Variants in GRIK3 observed in about 807,000 individuals in gnomAD.
GRIK3 encodes the protein glutamate receptor ionotropic, kainate 3.
In GRIK3, 29 loss-of-function variants were observed where a neutral mutation model predicts 102.5. That is an observed-to-expected ratio of 0.28 (90% CI 0.21 to 0.39). The LOEUF (loss-of-function observed/expected upper bound fraction) is 0.39. Ranked by LOEUF, GRIK3 falls within the 10% of genes least tolerant of loss-of-function variation. The probability of loss-of-function intolerance (pLI) is 1.00; values close to 1 mark genes in which losing one functional copy is unlikely to be tolerated. For synonymous variants in GRIK3, 511 were observed against 504.9 expected (o/e 1.01, Z -0.16); for missense variants, 908 against 1,252.4 (o/e 0.73, Z 4.15).
intron 1 of GRIK3, among the ~76,000 whole-genome samples, chr1:36,921,419 G>A (rs1641469646): frequency 6.6e-6 from 1 of 152,182 alleles, no homozygotes; most frequent in South Asian, 2.1e-4. Context: ...AAATACTACT[G>A]AAGGATGATT....
At chr1:36,833,720 G>T (rs991434738) in intron 10 of GRIK3, among the ~76,000 whole-genome samples, 1 of 152,172 alleles carries the variant, frequency 6.6e-6, no homozygotes, top group Admixed American at 6.5e-5. Context: ...AGATCTTCCC[G>T]TCACACCTGC....
intron 2 of GRIK3, among the ~76,000 whole-genome samples, chr1:36,885,267 G>C (rs528779139): frequency 6.6e-6 from 1 of 152,300 alleles, no homozygotes; most frequent in East Asian, 1.9e-4. Context: ...TGATGAGAGA[G>C]GAGGTGATCA....
intron 5 of GRIK3, among the ~76,000 whole-genome samples, chr1:36,862,353 G>A (rs188811682): frequency 9.9e-5 from 15 of 152,136 alleles, no homozygotes; most frequent in Admixed American, 2.0e-4. Flanking sequence ...CTGATGCATC[G>A]TTGATTGTCT....
At chr1:36,835,907 C>T (rs964412270) in intron 10 of GRIK3, among the ~76,000 whole-genome samples, 2 of 152,150 alleles carry the variant, frequency 1.3e-5, no homozygotes, top group African/African-American at 4.8e-5. Flanking sequence ...CAAGTCCCTC[C>T]TGCACCCCTC....
chr1:36,816,352 T>G (rs1231196075), intron 13 of GRIK3, among the ~76,000 whole-genome samples: 1 of 152,182 alleles, frequency 6.6e-6, no homozygotes, highest in Non-Finnish European at 1.5e-5. Context: ...ATTACTACTT[T>G]AATTTCTGGG....
intron 11 of GRIK3, among the ~76,000 whole-genome samples, chr1:36,822,808 CCT>C: frequency 6.6e-6 from 1 of 152,316 alleles, no homozygotes; most frequent in East Asian, 1.9e-4. Flanking sequence ...AGGATCATCC[CCT>C]GTCACGAGTG....
chr1:36,834,325 G>A (rs1640346606), intron 10 of GRIK3, among the ~76,000 whole-genome samples: 1 of 152,192 alleles, frequency 6.6e-6, no homozygotes, highest in South Asian at 2.1e-4. Context: ...GTGGGGGCAG[G>A]GAAAGGGGAG....
chr1:37,024,876 C>G (rs546309856), intron 1 of GRIK3, among the ~76,000 whole-genome samples: 111 of 152,002 alleles, frequency 7.3e-4, no homozygotes, highest in African/African-American at 2.6e-3. Context: ...GAGCTAAATG[C>G]ATTGAGAGCT....
At chr1:36,981,894 G>A (rs1642253071) in intron 1 of GRIK3, among the ~76,000 whole-genome samples, 1 of 152,212 alleles carries the variant, frequency 6.6e-6, no homozygotes, top group African/African-American at 2.4e-5. Context: ...ATGCCGAGGA[G>A]CAGCGCCCCA....
rs140069003 is a variant in GRIK3, at chr1:37,010,198, C to T, written c.115+23796G>A. Reference sequence around the variant, plus strand: ...GTGACCTTGGACACGTCACCCAAGCCGGGCCACTCCTTGCTCAGCTGCAAA... The same window carrying T: ...GTGACCTTGGACACGTCACCCAAGCTGGGCCACTCCTTGCTCAGCTGCAAA... On this transcript the variant is annotated intron_variant, in intron 1 of 15. Coordinates refer to ENST00000373091, the MANE Select transcript of GRIK3 (RefSeq NM_000831.4). Among the ~76,000 whole-genome samples the T allele has an allele frequency of 4.2e-3, 641 of 152,256 alleles. 4 individuals carry two copies. The highest frequency in any genetic ancestry group is 0.015 in the African/African-American group (607 of 41,556).
intron 1 of GRIK3, among the ~76,000 whole-genome samples, chr1:36,979,577 T>C (rs923191481): frequency 2.0e-5 from 3 of 152,180 alleles, no homozygotes; most frequent in Non-Finnish European, 2.9e-5. Flanking sequence ...ACACAGATGA[T>C]TGGGTGAAGG....
intron 1 of GRIK3, among the ~76,000 whole-genome samples, chr1:36,997,069 C>A (rs1256999326): frequency 1.3e-5 from 2 of 152,168 alleles, no homozygotes; most frequent in African/African-American, 2.4e-5. Flanking sequence ...CCAGAAGAAG[C>A]CAATTCCATG....
At chr1:36,804,339 C>T (rs1288328764) in intron 15 of GRIK3, among the ~76,000 whole-genome samples, 1 of 152,186 alleles carries the variant, frequency 6.6e-6, no homozygotes, top group Non-Finnish European at 1.5e-5. Flanking sequence ...GCTGGCTCCA[C>T]CACAGACCAA....
intron 1 of GRIK3, among the ~76,000 whole-genome samples, chr1:36,920,827 T>C (rs1411158390): frequency 1.3e-5 from 2 of 152,156 alleles, no homozygotes. Flanking sequence ...AGTGAGCTGA[T>C]GGGCAAAAAG....
At chr1:36,989,394 G>C (rs1642340896) in intron 1 of GRIK3, among the ~76,000 whole-genome samples, 1 of 152,196 alleles carries the variant, frequency 6.6e-6, no homozygotes, top group Non-Finnish European at 1.5e-5. Flanking sequence ...GGAGGAGGAG[G>C]AGTTCTGTCT....
intron 1 of GRIK3, among the ~76,000 whole-genome samples, chr1:37,022,254 A>T (rs146252763): frequency 6.6e-6 from 1 of 152,288 alleles, no homozygotes; most frequent in East Asian, 1.9e-4. Flanking sequence ...GCCCAGCCAC[A>T]TTTCTGCCTC....
chr1:36,812,934 T>A (rs1642579944), intron 13 of GRIK3, among the ~76,000 whole-genome samples: 1 of 152,254 alleles, frequency 6.6e-6, no homozygotes, highest in South Asian at 2.1e-4. Context: ...CATCTTTAAA[T>A]CCCATCCTTT....
At position 36,960,502 on chromosome 1, in the gene GRIK3, A is replaced by G. The variant is rs149666600; in HGVS notation, c.116-69406T>C. On this transcript the variant is annotated intron_variant, in intron 1 of 15. Transcript: ENST00000373091. ...GGTACTGGAAGCCCCTGGAGAAAGC[A>G]GGGGACACTGGGAACAGAGTGAGGC... Among the ~76,000 whole-genome samples, 544 of 152,336 alleles carry G rather than the reference A, an allele frequency of 3.6e-3. 5 individuals carry two copies. The highest frequency in any genetic ancestry group is 9.3e-3 in the African/African-American group (385 of 41,580).
At chr1:37,005,154 T>C (rs994291127) in intron 1 of GRIK3, among the ~76,000 whole-genome samples, 1 of 152,212 alleles carries the variant, frequency 6.6e-6, no homozygotes, top group Admixed American at 6.5e-5. Context: ...TTCTGGCCAT[T>C]GTATGCCCCA....
Sources: gnomAD v4.1 joint callset for allele counts (sites outside exome capture counted in the v4.1 genomes callset) on GRCh38, gnomAD v4.1.1 for gene constraint, MANE v1.5 for transcripts, NCBI Gene and HGNC (gene_info 2026-07-23, HGNC 2026-07-21) for gene names.